UTRN: variants seen among roughly 807,000 people sequenced by gnomAD.
UTRN encodes the protein utrophin.
A neutral mutation model predicts 463.9 loss-of-function variants in UTRN; 283 were observed. That is an observed-to-expected ratio of 0.61 (90% CI 0.55 to 0.67). The LOEUF is 0.67. Among genes scored for constraint, UTRN ranks in the 30% least tolerant of loss-of-function variants. UTRN has a pLI of 0.00. For missense variants in UTRN, 3,922 were observed against 4,084.3 expected, an observed-to-expected ratio of 0.96 and a Z score of 1.08; for synonymous variants, 1,442 against 1,431.5, an observed-to-expected ratio of 1.01 and a Z score of -0.17.
chr6:144,814,297 C>A (rs1778888152), intron 65 of UTRN, among the ~76,000 whole-genome samples: 1 of 152,164 alleles, frequency 6.6e-6, no homozygotes, highest in Non-Finnish European at 1.5e-5. Flanking sequence ...AGGAAGCAGA[C>A]TCACTGGACC....
Position 144,421,989 on chromosome 6 carries a change from T to C in UTRN, c.234+19T>C, listed in dbSNP as rs1393412571. The C allele has an allele frequency of 6.3e-7, 1 of 1,598,960 alleles. No homozygotes were observed. The highest frequency in any genetic ancestry group is 8.5e-7 in the Non-Finnish European group (1 of 1,171,118). On this transcript the variant is annotated intron_variant, in intron 4 of 74. Coordinates refer to ENST00000367545, the MANE Select transcript of UTRN (RefSeq NM_007124.3). ...ATCACTGGTGAGCAAGTCATCTTTGTAAACAACGGAGTCTCCGGTCATTGC... is the reference window on the plus strand; with the variant it reads ...ATCACTGGTGAGCAAGTCATCTTTGCAAACAACGGAGTCTCCGGTCATTGC...
chr6:144,463,616 CTT>C (rs528473376), intron 23 of UTRN, among the ~76,000 whole-genome samples: 14 of 136,964 alleles, frequency 1.0e-4, no homozygotes, highest in Admixed American at 1.5e-4. Flanking sequence ...TTACCTTGGT[CTT>C]TTTTTTTTTT....
intron 33 of UTRN, among the ~76,000 whole-genome samples, chr6:144,495,646 C>T (rs1793570028): frequency 6.6e-6 from 1 of 152,216 alleles, no homozygotes; most frequent in South Asian, 2.1e-4. Flanking sequence ...GGAGCCCAGG[C>T]AGAGGAGGCG....
At chr6:144,592,319 T>A (rs996728902) in intron 51 of UTRN, among the ~76,000 whole-genome samples, 1 of 152,180 alleles carries the variant, frequency 6.6e-6, no homozygotes, top group Non-Finnish European at 1.5e-5. Flanking sequence ...GTTATTAGAA[T>A]AGCATAACTG....
Position 144,462,715 on chromosome 6 carries a change from A to G in UTRN, c.2915A>G (p.Lys972Arg). Residue 972 changes from lysine to arginine, a missense_variant, in exon 23 of 75, where the codon AAG (lysine) becomes AGG (arginine). This residue lies in a region of UTRN where 2,349 missense variants were observed against 2,303.8 expected (regional missense o/e 1.02). Coordinates refer to ENST00000367545, the MANE Select transcript of UTRN (RefSeq NM_007124.3). Reference protein sequence around the residue: ...PALHKLAEETKALEKNVHPDV... With the variant: ...PALHKLAEETRALEKNVHPDV... ...TTACATAAACTTGCAGAAGAAACAAAGGCTCTGGAGAAAAATGTTCATCCT... is the reference window on the plus strand; with the variant it reads ...TTACATAAACTTGCAGAAGAAACAAGGGCTCTGGAGAAAAATGTTCATCCT... 6.2e-7 allele frequency: 1 copy of G among 1,609,894 alleles called. No homozygotes were observed. Among genetic ancestry groups the G allele is most frequent in the Non-Finnish European group, 8.5e-7 (1 of 1,179,142 alleles).
At chr6:144,502,910 C>T (rs1051116047) in intron 34 of UTRN, among the ~76,000 whole-genome samples, 1 of 152,206 alleles carries the variant, frequency 6.6e-6, no homozygotes, top group Non-Finnish European at 1.5e-5. Flanking sequence ...ACTCCAGCAT[C>T]TGTTGTTTCC....
At chr6:144,578,264 T>C (rs544180625) in intron 51 of UTRN, among the ~76,000 whole-genome samples, 1 of 152,276 alleles carries the variant, frequency 6.6e-6, no homozygotes, top group East Asian at 1.9e-4. Context: ...AACCATAGTA[T>C]TACATCTGAT....
rs1045476709 is a variant in UTRN at position 144,681,826 on chromosome 6, T to G, written c.7652+3248T>G. 4.6e-5 allele frequency among the ~76,000 whole-genome samples: 7 copies of G among 152,262 alleles called. No homozygotes were observed. The East Asian group carries it at 1.2e-3, about 25-fold the overall frequency. On this transcript the variant is annotated intron_variant, in intron 52 of 74. Coordinates refer to ENST00000367545, the MANE Select transcript of UTRN (RefSeq NM_007124.3). ...GAGATTAGATATGGCTTTTAAAAAT[T>G]TTTTTAATTTTATTTTTAATGTTTG...
chr6:144,702,526 G>A (rs943286031), intron 53 of UTRN, among the ~76,000 whole-genome samples: 6 of 152,130 alleles, frequency 3.9e-5, no homozygotes, highest in African/African-American at 1.4e-4. Flanking sequence ...TAGACAAATA[G>A]GCAATAAATA....
At chr6:144,497,351 G>C (rs774329705) in intron 33 of UTRN, among the ~76,000 whole-genome samples, 1 of 151,076 alleles carries the variant, frequency 6.6e-6, no homozygotes, top group East Asian at 1.9e-4. Context: ...TGATGATGTG[G>C]ATGGTGTGGC....
At chr6:144,400,424 T>C (rs1782837014) in intron 2 of UTRN, among the ~76,000 whole-genome samples, 1 of 152,162 alleles carries the variant, frequency 6.6e-6, no homozygotes, top group African/African-American at 2.4e-5. Context: ...GTTTTAGTTG[T>C]CCTGTTACTC....
chr6:144,752,860 A>G (rs1791557363), intron 56 of UTRN, among the ~76,000 whole-genome samples: 1 of 152,146 alleles, frequency 6.6e-6, no homozygotes, highest in Non-Finnish European at 1.5e-5. Context: ...GTCGGGGAAT[A>G]TGTTATACTT....
Position 144,694,492 on chromosome 6 carries a change from G to A in UTRN, c.7653-5595G>A, listed in dbSNP as rs545051805. Among the ~76,000 whole-genome samples the A allele has an allele frequency of 3.9e-5, 6 of 152,212 alleles. No homozygotes were observed. In the South Asian group the frequency reaches 1.2e-3, roughly 32 times the overall value. ...TCAACTCTTCTTTGTACATCTGGTA[G>A]AATTCAGCTATGAATCCATCTGGTC... On this transcript the variant is annotated intron_variant, in intron 52 of 74. Coordinates refer to ENST00000367545, the MANE Select transcript of UTRN (RefSeq NM_007124.3).
chr6:144,564,658 A>G (rs996382476), intron 50 of UTRN, among the ~76,000 whole-genome samples: 45 of 152,148 alleles, frequency 3.0e-4, no homozygotes, highest in African/African-American at 9.9e-4. Context: ...GGTGGCAGGA[A>G]GAGAATTGCT....
At chr6:144,574,417 A>G (rs1161022537) in intron 50 of UTRN, among the ~76,000 whole-genome samples, 1 of 152,096 alleles carries the variant, frequency 6.6e-6, no homozygotes, top group Admixed American at 6.6e-5. Context: ...GTTTGCTTAT[A>G]TTTATTGTGG....
chr6:144,661,699 G>T (rs1054377055), intron 51 of UTRN, among the ~76,000 whole-genome samples: 2 of 152,132 alleles, frequency 1.3e-5, no homozygotes, highest in African/African-American at 2.4e-5. Flanking sequence ...TATGTTACAT[G>T]AATAATTCAT....
chr6:144,795,756 A>G (rs1381991392), intron 63 of UTRN, among the ~76,000 whole-genome samples: 1 of 152,068 alleles, frequency 6.6e-6, no homozygotes, highest in Non-Finnish European at 1.5e-5. Context: ...AGTTCTCTGT[A>G]GATTCTGGAT....
In UTRN at chr6:144,548,717, A is replaced by G. The variant is rs1444055488; in HGVS notation, c.6673A>G (p.Ile2225Val). The G allele has an allele frequency of 1.2e-6, 2 of 1,613,948 alleles. No individual in the cohort carries two copies. Among genetic ancestry groups the G allele is most frequent in the African/African-American group, 1.3e-5 (1 of 74,924 alleles). Residue 2225 changes from isoleucine to valine, a missense_variant, in exon 47 of 75, where the codon ATT (isoleucine) becomes GTT (valine). Physicochemically the swap from Ile to Val is conservative, Grantham distance 29. This residue lies in a region of UTRN where 2,349 missense variants were observed against 2,303.8 expected (regional missense o/e 1.02). Transcript: ENST00000367545. ...IPVQSHRTSEISIPADLDKTI... is the reference protein window; with the variant it reads ...IPVQSHRTSEVSIPADLDKTI... ...TGTTCAGTCTCATCGTACTTCGGAA[A>G]TTTCAATTCCTGCTGATCTTGATAA...
At chr6:144,300,447 C>CA (rs1402275428) in intron 2 of UTRN, among the ~76,000 whole-genome samples, 2 of 152,178 alleles carry the variant, frequency 1.3e-5, no homozygotes, top group Non-Finnish European at 2.9e-5. Context: ...TAACAAACCC[C>CA]AAACCTTTTA....
Sources: allele counts gnomAD v4.1 joint callset (sites outside exome capture counted in the v4.1 genomes callset), GRCh38; gene constraint gnomAD v4.1.1; regional missense constraint gnomAD v4.1.1; transcripts MANE v1.5; gene names NCBI Gene and HGNC (gene_info 2026-07-23, HGNC 2026-07-21).